The following FBXO5 variants were observed in gnomAD, a reference collection of about 807,000 sequenced individuals.
FBXO5 encodes F-box protein 5.
In FBXO5, 8 loss-of-function variants were observed where a neutral mutation model predicts 43.3. The ratio of observed to expected loss-of-function variants is 0.18; its 90% CI spans 0.11 to 0.33. The LOEUF is 0.33. Among genes scored for constraint, FBXO5 ranks in the 10% least tolerant of loss-of-function variants. FBXO5 has a pLI of 1.00. For synonymous variants in FBXO5, 204 were observed against 193.7 expected (o/e 1.05, Z -0.44); for missense variants, 491 against 535.7 (o/e 0.92, Z 0.82).
At position 152,975,634 on chromosome 6, in the gene FBXO5, C is replaced by T; in HGVS notation, c.104-13G>A. 2.0e-6 allele frequency: 3 copies of T among 1,537,984 alleles called. No homozygotes were observed. The highest frequency in any genetic ancestry group is 2.6e-6 in the Non-Finnish European group (3 of 1,145,486). ...TCTTCTTTACAACCTATAAAAAGAA[C>T]ATAACATTTACATCTTAATGGCAAA... On this transcript the variant is annotated splice_polypyrimidine_tract_variant and intron_variant, in intron 1 of 4. Transcript: ENST00000229758.
At chr6:152,977,351 G>A (rs889287848) in intron 1 of FBXO5, among the ~76,000 whole-genome samples, 2 of 152,162 alleles carry the variant, frequency 1.3e-5, no homozygotes, top group Admixed American at 1.3e-4. Flanking sequence ...TTGGTAATGC[G>A]TTCATATAAA....
chr6:152,979,540 G>A (rs528334916), intron 1 of FBXO5, among the ~76,000 whole-genome samples: 11 of 152,218 alleles, frequency 7.2e-5, no homozygotes, highest in African/African-American at 2.6e-4. Context: ...GAAACTTTTT[G>A]GAAGGAAGTC....
intron 2 of FBXO5, 109 bp downstream of exon 2, chr6:152,974,798 G>A (rs929829228): frequency 1.3e-5 from 11 of 823,652 alleles, no homozygotes; most frequent in African/African-American, 1.2e-4. Flanking sequence ...CATTTCAGAT[G>A]AGGGACACTC....
chr6:152,980,633 G>C (rs1778246296), intron 1 of FBXO5, among the ~76,000 whole-genome samples: 2 of 152,160 alleles, frequency 1.3e-5, no homozygotes, highest in South Asian at 2.1e-4. Context: ...GACAGAAGTA[G>C]AGTGTGGGAA....
chr6:152,974,301 AAAG>A (rs1211732473), intron 2 of FBXO5, among the ~76,000 whole-genome samples: 1 of 152,160 alleles, frequency 6.6e-6, no homozygotes, highest in East Asian at 1.9e-4. Flanking sequence ...AATGGCTTAG[AAAG>A]AACAAAAATT....
chr6:152,975,578 A>G lies in FBXO5; in HGVS notation c.147T>C (p.Cys49=), dbSNP rs967018490. The change falls in exon 2 of 5, where the codon TGT becomes TGC. Residue 49 remains cysteine, a synonymous_variant. Coordinates refer to ENST00000229758, the MANE Select transcript of FBXO5 (RefSeq NM_012177.5). ...AATGAACATGGTTACAATTAAAATC[A>G]CACTTCATTTTGACAGAAAGGGTAG... ...ESSTLSVKMK[C]DFNCNHVHSG... The G allele has an allele frequency of 6.2e-7, 1 of 1,608,868 alleles. No homozygotes were observed. Among genetic ancestry groups the G allele is most frequent in the Non-Finnish European group, 8.5e-7 (1 of 1,178,888 alleles).
In FBXO5 at chr6:152,975,212, G is replaced by A; in HGVS notation, c.513C>T (p.Asp171=). The change falls in exon 2 of 5, where the codon GAC becomes GAT. Residue 171 remains aspartate (D), a synonymous_variant. Transcript: ENST00000229758. ...TTTGTAGCAGGCAGGATTGTAGACT[G>A]TCACCGAAATTCTCCTCCAGGAGGC... The part of the protein sequence containing the change: ...EGSLLEENFG[D]SLQSCLLQIQ... 6.2e-7 allele frequency: 1 copy of A among 1,614,116 alleles called. No individual in the cohort carries two copies. Among genetic ancestry groups the A allele is most frequent in the Non-Finnish European group, 8.5e-7 (1 of 1,179,998 alleles).
At chr6:152,979,713 A>C (rs941811266) in intron 1 of FBXO5, among the ~76,000 whole-genome samples, 6 of 152,190 alleles carry the variant, frequency 3.9e-5, no homozygotes, top group African/African-American at 1.4e-4. Context: ...AATACTATTT[A>C]CTGTATTGCT....
rs1778070426 is a variant in FBXO5, at chr6:152,970,563, G to A, written c.*600C>T. ...TATTGAGCAAAATTTATTTTTATATGTACATACAAGAGACATATTCTTTGA... is the reference window on the plus strand; with the variant it reads ...TATTGAGCAAAATTTATTTTTATATATACATACAAGAGACATATTCTTTGA... On this transcript the variant is annotated 3_prime_UTR_variant, in exon 5 of 5. Transcript: ENST00000229758. The A allele has an allele frequency of 6.6e-6, 1 of 152,108 alleles. No homozygotes were observed. The highest frequency in any genetic ancestry group is 2.4e-5 in the African/African-American group (1 of 41,410). The allele number at this position is 152,108 out of a possible 1,614,324, so 9.4% of individuals were successfully genotyped here.
chr6:152,976,155 G>A (rs779934141), intron 1 of FBXO5, among the ~76,000 whole-genome samples: 21 of 152,136 alleles, frequency 1.4e-4, no homozygotes, highest in East Asian at 1.9e-4. Flanking sequence ...ATTAGTACAG[G>A]AGGACAAGGT....
At chr6:152,979,412 T>C (rs577608375) in intron 1 of FBXO5, among the ~76,000 whole-genome samples, 30 of 152,338 alleles carry the variant, frequency 2.0e-4, no homozygotes, top group South Asian at 8.3e-4. Context: ...TGTGGGTTTT[T>C]AGACCAGAGG....
At position 152,971,423 on chromosome 6, in the gene FBXO5, A is replaced by G. The variant is rs773593342; in HGVS notation, c.1093-9T>C. 2.0e-6 allele frequency: 3 copies of G among 1,476,426 alleles called. No homozygotes were observed. The highest frequency in any genetic ancestry group is 1.8e-4 in the Middle Eastern group (1 of 5,570). The allele number at this position is 1,476,426 out of a possible 1,614,324, so 91.5% of individuals were successfully genotyped here. A position where few individuals can be genotyped will look rare whatever the true frequency, so the allele number is the denominator to read the frequency against. On this transcript the variant is annotated splice_polypyrimidine_tract_variant and intron_variant, in intron 4 of 4. Transcript: ENST00000229758. ...TTCAATGTCTTGGCAACCTAAAAAG[A>G]AAAAAAAAACCCATTAACAAATTTC...
Position 152,971,361 on chromosome 6 carries a change from A to T in FBXO5, c.1146T>A (p.Asn382Lys). 6.2e-7 allele frequency: 1 copy of T among 1,614,014 alleles called. No individual in the cohort carries two copies. Among genetic ancestry groups the T allele is most frequent in the Non-Finnish European group, 8.5e-7 (1 of 1,179,936 alleles). The change falls in exon 5 of 5, where the codon AAT becomes AAA. Residue 382 changes from asparagine (N) to lysine (K), a missense_variant. Physicochemically the swap from Asn to Lys is moderately conservative, Grantham distance 94. Coordinates refer to ENST00000229758, the MANE Select transcript of FBXO5 (RefSeq NM_012177.5). Reference protein sequence around the residue: ...NESLKACIRCNSPAKYDCYLQ... With the variant: ...NESLKACIRCKSPAKYDCYLQ... ...AATAGCAATCATATTTTGCAGGTGAATTACAGCGAATACAGGCTTTGAGGC... is the reference window on the plus strand; with the variant it reads ...AATAGCAATCATATTTTGCAGGTGATTTACAGCGAATACAGGCTTTGAGGC...
Position 152,982,954 on chromosome 6 carries a change from G to A in FBXO5, c.6C>T (p.Ser2=). The A allele has an allele frequency of 7.1e-7, 1 of 1,406,302 alleles. No individual in the cohort carries two copies. The highest frequency in any genetic ancestry group is 9.2e-7 in the Non-Finnish European group (1 of 1,089,102). 87.1% of individuals were successfully genotyped at this position (1,406,302 alleles called of 1,614,324 possible). The part of the protein sequence containing the change: M[S]RRPCSCALRP... ...GTAGGGCGCAGCTGCAGGGGCGCCG[G>A]CTCATGCCAGCCGACGTGGAGTCTG... The change falls in exon 1 of 5, where the codon AGC becomes AGT. Residue 2 remains serine, a synonymous_variant. Transcript: ENST00000229758.
chr6:152,979,280 C>T (rs1296018002), intron 1 of FBXO5, among the ~76,000 whole-genome samples: 1 of 152,156 alleles, frequency 6.6e-6, no homozygotes, highest in Admixed American at 6.5e-5. Flanking sequence ...TCCTTAGGCT[C>T]CTCTTGACTA....
chr6:152,972,581 A>G (rs1778103924), intron 3 of FBXO5, 127 bp from the exon 4 acceptor site: 2 of 668,398 alleles, frequency 3.0e-6, no homozygotes, highest in African/African-American at 1.8e-5. Flanking sequence ...CCTACATGCA[A>G]TTTACCTGCA....
At position 152,983,007 on chromosome 6, in the gene FBXO5, C is replaced by G; in HGVS notation, c.-48G>C. The G allele has an allele frequency of 8.3e-7, 1 of 1,203,614 alleles. No individual in the cohort carries two copies. Among genetic ancestry groups the G allele is most frequent in the Non-Finnish European group, 1.1e-6 (1 of 920,900 alleles). The allele number at this position is 1,203,614 out of a possible 1,614,324, so 74.6% of individuals were successfully genotyped here. A position where few individuals can be genotyped will look rare whatever the true frequency, so the allele number is the denominator to read the frequency against. On this transcript the variant is annotated 5_prime_UTR_variant, in exon 1 of 5. Coordinates refer to ENST00000229758, the MANE Select transcript of FBXO5 (RefSeq NM_012177.5). ...TCAGGTGGAGGAACCGCTCCGGGGG[C>G]AGCTGAGCAACCTGCCTGCTTCACA... is the stretch of plus-strand genomic sequence containing the variant.
chr6:152,981,835 AT>A (rs1012232570), intron 1 of FBXO5, among the ~76,000 whole-genome samples: 4 of 152,086 alleles, frequency 2.6e-5, no homozygotes, highest in African/African-American at 9.7e-5. Flanking sequence ...GAATTGCTAA[AT>A]TTTTTCATTT....
chr6:152,980,441 C>T (rs777884707), intron 1 of FBXO5, among the ~76,000 whole-genome samples: 5 of 152,086 alleles, frequency 3.3e-5, no homozygotes, highest in Non-Finnish European at 7.4e-5. Context: ...ATCTGTAGGG[C>T]TGAGTTGGGG....
Sources: gnomAD v4.1 joint callset for allele counts (sites outside exome capture counted in the v4.1 genomes callset) on GRCh38, gnomAD v4.1.1 for gene constraint, MANE v1.5 for transcripts, NCBI Gene and HGNC (gene_info 2026-07-23, HGNC 2026-07-21) for gene names.